Variants in AASDH observed in about 807,000 individuals in gnomAD.
AASDH encodes beta-alanine-activating enzyme.
Under a neutral mutation model 102.3 loss-of-function variants are expected in AASDH, and 81 were observed. That is an observed-to-expected ratio of 0.79 (90% CI 0.66 to 0.95). The LOEUF is 0.95. Among genes scored for constraint, AASDH ranks in the 40% least tolerant of loss-of-function variants. The pLI is 0.00. For synonymous variants in AASDH, 398 were observed against 454.0 expected (o/e 0.88, Z 1.57); for missense variants, 1,203 against 1,266.2 (o/e 0.95, Z 0.76).
intron 2 of AASDH, among the ~76,000 whole-genome samples, chr4:56,383,162 A>T (rs891205657): frequency 1.1e-4 from 16 of 152,042 alleles, no homozygotes; most frequent in East Asian, 5.8e-4. Context: ...GAAATACAAG[A>T]TTTTTTTAAA....
chr4:56,365,373 C>T lies in AASDH; in HGVS notation c.861+6078G>A, dbSNP rs532792855. Among the ~76,000 whole-genome samples, 108 of 151,984 alleles carry T rather than the reference C, an allele frequency of 7.1e-4. 1 individual carries two copies. In the East Asian group the frequency reaches 0.012, roughly 16 times the overall value. On this transcript the variant is annotated intron_variant, in intron 5 of 14. Transcript: ENST00000205214. ...TCAGCTCTGCACCAAGCGGACCTAA[C>T]AGACATCTACAGAACTCTCTACCCC...
intron 4 of AASDH, among the ~76,000 whole-genome samples, chr4:56,373,645 G>A (rs1752000220): frequency 6.6e-6 from 1 of 152,132 alleles, no homozygotes; most frequent in Non-Finnish European, 1.5e-5. Flanking sequence ...GCCCAACAAA[G>A]GCTACCCTCA....
At chr4:56,383,592 T>C (rs1356047853) in intron 2 of AASDH, among the ~76,000 whole-genome samples, 1 of 152,236 alleles carries the variant, frequency 6.6e-6, no homozygotes, top group Non-Finnish European at 1.5e-5. Context: ...TTGAACATTT[T>C]GCAAATATTT....
At chr4:56,342,382 A>G (rs2109844950) in intron 14 of AASDH, among the ~76,000 whole-genome samples, 1 of 152,306 alleles carries the variant, frequency 6.6e-6, no homozygotes, top group East Asian at 1.9e-4. Context: ...ACAGTCTATG[A>G]TTGTAACAAA....
intron 11 of AASDH, among the ~76,000 whole-genome samples, chr4:56,345,647 ACC>A (rs1354128880): frequency 6.6e-6 from 1 of 152,160 alleles, no homozygotes; most frequent in African/African-American, 2.4e-5. Context: ...CATTTAAATC[ACC>A]CAGTGTTGCT....
At position 56,374,688 on chromosome 4, in the gene AASDH, C is replaced by T. The variant is rs554561967; in HGVS notation, c.669-3045G>A. Among the ~76,000 whole-genome samples the T allele has an allele frequency of 2.6e-5, 4 of 152,204 alleles. No individual in the cohort carries two copies. In the East Asian group the frequency reaches 7.7e-4, roughly 29 times the overall value. ...ACATTTAAATGAACTTAATAAAATGCAATTCCGTTTCTTTTGTAAACTGCT... is the reference window on the plus strand; with the variant it reads ...ACATTTAAATGAACTTAATAAAATGTAATTCCGTTTCTTTTGTAAACTGCT... On this transcript the variant is annotated intron_variant, in intron 4 of 14. Coordinates refer to ENST00000205214, the MANE Select transcript of AASDH (RefSeq NM_181806.4).
chr4:56,354,641 A>G, intron 7 of AASDH, 64 bp downstream of exon 7: 1 of 1,215,490 alleles, frequency 8.2e-7, no homozygotes, highest in Non-Finnish European at 1.2e-6. Context: ...CGAAAGGAAT[A>G]AAATTAACAC....
chr4:56,357,265 T>G (rs1279629915), intron 5 of AASDH, among the ~76,000 whole-genome samples: 1 of 152,108 alleles, frequency 6.6e-6, no homozygotes, highest in African/African-American at 2.4e-5. Flanking sequence ...AGACTTAGTG[T>G]CTGGTGAGTA....
At chr4:56,371,255 C>A (rs563766119) in intron 5 of AASDH, among the ~76,000 whole-genome samples, 196 bp downstream of exon 5, 46 of 152,156 alleles carry the variant, frequency 3.0e-4, no homozygotes, top group African/African-American at 1.1e-3. Flanking sequence ...AAAGAATTTT[C>A]TAGGCAGAAT....
In AASDH at chr4:56,371,539, G is replaced by A. The variant is rs999581612; in HGVS notation, c.773C>T (p.Ser258Phe). The change falls in exon 5 of 15, where the codon TCT becomes TTT. Residue 258 changes from serine to phenylalanine, a missense_variant. Transcript: ENST00000205214. ...GACGGAAGTTGGTACAATAAGCAGA[G>A]AGGCACCACTTGATAGAGCAAGAAA... ...EIFLALSSGA[S>F]LLIVPTSVKL... 1.2e-6 allele frequency: 2 copies of A among 1,613,224 alleles called. No individual in the cohort carries two copies. The highest frequency in any genetic ancestry group is 1.7e-5 in the Admixed American group (1 of 59,634).
At chr4:56,367,399 T>C (rs1404777757) in intron 5 of AASDH, among the ~76,000 whole-genome samples, 6 of 126,066 alleles carry the variant, frequency 4.8e-5, no homozygotes, top group African/African-American at 8.9e-5. Context: ...AAAAAGAGCC[T>C]GCATTGCCAA....
intron 14 of AASDH, among the ~76,000 whole-genome samples, chr4:56,339,581 T>C (rs915030611): frequency 2.6e-5 from 4 of 151,456 alleles, no homozygotes; most frequent in African/African-American, 7.3e-5. Context: ...TGAAACCCCA[T>C]CTCTATTAAA....
chr4:56,359,452 C>T (rs1750038133), intron 5 of AASDH, among the ~76,000 whole-genome samples: 1 of 151,076 alleles, frequency 6.6e-6, no homozygotes, highest in Non-Finnish European at 1.5e-5. Flanking sequence ...TTAGTAGAGA[C>T]GAGGTGTGGC....
chr4:56,366,352 C>A (rs545941049), intron 5 of AASDH, among the ~76,000 whole-genome samples: 49 of 152,308 alleles, frequency 3.2e-4, no homozygotes, highest in African/African-American at 1.2e-3. Context: ...AAGAGGGAAT[C>A]CTCCCTAATT....
chr4:56,357,596 G>T (rs1490643615), intron 5 of AASDH, among the ~76,000 whole-genome samples: 1 of 150,880 alleles, frequency 6.6e-6, no homozygotes, highest in African/African-American at 2.4e-5. Context: ...TGTCGCTACA[G>T]ATCAGAATAA....
chr4:56,359,277 T>C (rs1183612875), intron 5 of AASDH, among the ~76,000 whole-genome samples: 1 of 152,098 alleles, frequency 6.6e-6, no homozygotes. Context: ...TCGCTCTTGT[T>C]GCCCAGGCTG....
chr4:56,362,673 T>C (rs1407214422), intron 5 of AASDH, among the ~76,000 whole-genome samples: 3 of 152,144 alleles, frequency 2.0e-5, no homozygotes, highest in Non-Finnish European at 4.4e-5. Context: ...AAAGTGTATA[T>C]TATATCAAAG....
chr4:56,363,623 G>A (rs1750601706), intron 5 of AASDH, among the ~76,000 whole-genome samples: 1 of 152,158 alleles, frequency 6.6e-6, no homozygotes, highest in Admixed American at 6.5e-5. Flanking sequence ...GTCTGGAGTG[G>A]ACCTCCAGCA....
intron 9 of AASDH, among the ~76,000 whole-genome samples, chr4:56,352,216 A>G (rs1003453971): frequency 2.6e-5 from 4 of 152,186 alleles, no homozygotes; most frequent in Non-Finnish European, 4.4e-5. Flanking sequence ...GTATGTGTCA[A>G]TGTGGGTGGG....
Sources: allele counts gnomAD v4.1 joint callset (sites outside exome capture counted in the v4.1 genomes callset), GRCh38; gene constraint gnomAD v4.1.1; transcripts MANE v1.5; gene names NCBI Gene and HGNC (gene_info 2026-07-23, HGNC 2026-07-21).